The following MED13L variants were observed in gnomAD, a reference collection of about 807,000 sequenced individuals.
MED13L encodes the protein mediator of RNA polymerase II transcription subunit 13-like.
Under a neutral mutation model 220.9 loss-of-function variants are expected in MED13L, and 7 were observed. The observed-to-expected ratio is 0.03, with a 90% CI of 0.02 to 0.06. MED13L has a LOEUF of 0.06. MED13L is among the 10% of genes least tolerant of loss of function. The probability of loss-of-function intolerance (pLI) is 1.00; values close to 1 mark genes in which losing one functional copy is unlikely to be tolerated. For missense variants in MED13L, 1,965 were observed against 2,760.5 expected (o/e 0.71, Z 6.46); for synonymous variants, 1,011 against 1,015.2 (o/e 1.00, Z 0.08).
At chr12:116,123,767 T>C (rs1423231797) in intron 2 of MED13L, among the ~76,000 whole-genome samples, 1 of 152,170 alleles carries the variant, frequency 6.6e-6, no homozygotes, top group African/African-American at 2.4e-5. Context: ...AGCATTTCTG[T>C]TCTTGCTACA....
chr12:116,109,417 T>C (rs962936825), intron 3 of MED13L, among the ~76,000 whole-genome samples: 11 of 152,110 alleles, frequency 7.2e-5, no homozygotes, highest in African/African-American at 2.4e-4. Context: ...GCTCTTCTAA[T>C]TGTCTCTCGA....
chr12:116,273,905 A>G (rs941545260), intron 1 of MED13L, among the ~76,000 whole-genome samples: 1 of 152,254 alleles, frequency 6.6e-6, no homozygotes, highest in Non-Finnish European at 1.5e-5. Context: ...GAGTTCACAT[A>G]CCATAGGGTG....
At chr12:116,055,402 A>C (rs1483503242) in intron 4 of MED13L, among the ~76,000 whole-genome samples, 2 of 152,214 alleles carry the variant, frequency 1.3e-5, no homozygotes, top group Non-Finnish European at 2.9e-5. Context: ...CAGAAGAAAA[A>C]GCATATTAAC....
intron 2 of MED13L, among the ~76,000 whole-genome samples, chr12:116,120,751 C>A (rs1402443746): frequency 1.3e-5 from 2 of 151,968 alleles, no homozygotes; most frequent in African/African-American, 2.4e-5. Context: ...CTTTCTAATT[C>A]TTTTGATCTT....
At chr12:116,115,667 CA>C (rs35169147) in intron 2 of MED13L, among the ~76,000 whole-genome samples, 2 of 143,272 alleles carry the variant, frequency 1.4e-5, no homozygotes, top group East Asian at 4.1e-4. Context: ...ACTTAACTAC[CA>C]AAAAAAAACA....
intron 2 of MED13L, among the ~76,000 whole-genome samples, chr12:116,170,612 T>TG (rs112755539): frequency 4.0e-5 from 6 of 150,784 alleles, no homozygotes; most frequent in African/African-American, 1.2e-4. Flanking sequence ...TTTTTTGTTT[T>TG]TTTTTTTTTT....
At chr12:116,222,306 G>T (rs1446629412) in intron 2 of MED13L, among the ~76,000 whole-genome samples, 2 of 152,112 alleles carry the variant, frequency 1.3e-5, no homozygotes, top group African/African-American at 2.4e-5. Flanking sequence ...TCACAGAAGT[G>T]GCATTGTATG....
At chr12:116,045,607 A>G (rs1881786784) in intron 4 of MED13L, among the ~76,000 whole-genome samples, 1 of 152,200 alleles carries the variant, frequency 6.6e-6, no homozygotes, top group African/African-American at 2.4e-5. Context: ...GTAATAGTAT[A>G]TATGTGGTGA....
chr12:116,049,741 T>C (rs954494361), intron 4 of MED13L, among the ~76,000 whole-genome samples: 14 of 152,174 alleles, frequency 9.2e-5, no homozygotes, highest in African/African-American at 2.9e-4. Flanking sequence ...GTGGACAAAC[T>C]GAACACTTAG....
At chr12:116,191,444 C>T (rs2138267406) in intron 2 of MED13L, among the ~76,000 whole-genome samples, 1 of 152,156 alleles carries the variant, frequency 6.6e-6, no homozygotes, top group South Asian at 2.1e-4. Flanking sequence ...AATTCTCCTG[C>T]CTCAGTCTAC....
chr12:116,107,316 G>C (rs12308669), intron 3 of MED13L, among the ~76,000 whole-genome samples: 12,987 of 152,212 alleles, frequency 0.085, 680 homozygotes, highest in African/African-American at 0.13. Context: ...ACCCTAGCTA[G>C]ATATATACAA....
chr12:115,966,042 A>C (rs766691197), intron 29 of MED13L, 40 bp downstream of exon 29: 2 of 1,605,256 alleles, frequency 1.2e-6, no homozygotes, highest in African/African-American at 2.7e-5. Flanking sequence ...AGCGTAAATC[A>C]CTCATTCCTT....
intron 4 of MED13L, among the ~76,000 whole-genome samples, chr12:116,061,992 A>C (rs1869529266): frequency 1.5e-5 from 2 of 137,012 alleles, no homozygotes; most frequent in African/African-American, 5.6e-5. Flanking sequence ...TGGGAGACAG[A>C]GCAAGACTCC....
intron 2 of MED13L, among the ~76,000 whole-genome samples, chr12:116,234,835 T>A (rs769701994): frequency 3.6e-4 from 55 of 151,998 alleles, no homozygotes; most frequent in Non-Finnish European, 6.2e-4. Flanking sequence ...TTTTTTTTTT[T>A]TATTTTTTGT....
intron 4 of MED13L, among the ~76,000 whole-genome samples, chr12:116,040,873 G>A (rs1450809007): frequency 6.6e-6 from 1 of 151,858 alleles, no homozygotes; most frequent in Non-Finnish European, 1.5e-5. Flanking sequence ...TCAAGCAAAA[G>A]TACTTGTATG....
chr12:115,987,986 G>A (rs1293717273), intron 17 of MED13L, among the ~76,000 whole-genome samples: 6 of 152,250 alleles, frequency 3.9e-5, no homozygotes, highest in Non-Finnish European at 5.9e-5. Context: ...TTGGACATAC[G>A]TATTTTTTTC....
intron 2 of MED13L, among the ~76,000 whole-genome samples, chr12:116,124,945 CA>C: frequency 6.6e-6 from 1 of 151,984 alleles, no homozygotes; most frequent in Non-Finnish European, 1.5e-5. Context: ...ATAGTTAAAC[CA>C]AAATATTGGA....
chr12:116,235,525 A>G (rs1870000810), intron 2 of MED13L, among the ~76,000 whole-genome samples: 1 of 152,126 alleles, frequency 6.6e-6, no homozygotes, highest in South Asian at 2.1e-4. Flanking sequence ...CCATATGATG[A>G]CTGTTTTCCT....
chr12:115,965,224 A>T (rs1348069166), intron 29 of MED13L, among the ~76,000 whole-genome samples: 1 of 152,246 alleles, frequency 6.6e-6, no homozygotes, highest in Admixed American at 6.5e-5. Flanking sequence ...GAATGATTAC[A>T]TAGAAATGGT....
Sources: gnomAD v4.1 joint callset for allele counts (sites outside exome capture counted in the v4.1 genomes callset) on GRCh38, gnomAD v4.1.1 for gene constraint, MANE v1.5 for transcripts, NCBI Gene and HGNC (gene_info 2026-07-23, HGNC 2026-07-21) for gene names.